CACNA1B: variants seen among roughly 807,000 people sequenced by gnomAD.
CACNA1B encodes the protein calcium voltage-gated channel subunit alpha1 B.
CACNA1B carries 70 observed loss-of-function variants against 247.2 expected under a neutral mutation model. The ratio of observed to expected loss-of-function variants is 0.28; its 90% confidence interval spans 0.23 to 0.35. CACNA1B has a LOEUF of 0.35. CACNA1B is among the 10% of genes least tolerant of loss of function. CACNA1B has a pLI of 1.00. For synonymous variants in CACNA1B, 1,231 were observed against 1,294.4 expected (o/e 0.95, Z 1.05); for missense variants, 2,367 against 3,197.4 (o/e 0.74, Z 6.26).
rs780705659 is a variant in CACNA1B at position 138,100,269 on chromosome 9, C to T, written c.5223-2442C>T. ...GAGGGGCTGCAAGGAAGGCTGAGAC[C>T]GTTTGAGAAAGGCATTGAAATTGGT... On this transcript the variant is annotated intron_variant, in intron 37 of 46. Coordinates refer to ENST00000371372, the MANE Select transcript of CACNA1B (RefSeq NM_000718.4). This position sits in a 1 kb window ranked among gnomAD's most constrained non-coding sequence, Gnocchi z 4.6. Among the ~76,000 whole-genome samples the T allele has an allele frequency of 6.6e-6, 1 of 152,146 alleles. No homozygotes were observed. Among genetic ancestry groups the T allele is most frequent in the Admixed American group, 6.5e-5 (1 of 15,282 alleles).
intron 21 of CACNA1B, among the ~76,000 whole-genome samples, chr9:138,044,887 G>A (rs1589091242): frequency 6.6e-6 from 1 of 152,220 alleles, no homozygotes; most frequent in Admixed American, 6.5e-5. Context: ...ACCCTGCTAC[G>A]CTGCGGTTAG....
rs577930859 is a variant in CACNA1B, at chr9:138,012,256, C to T, written c.2161-873C>T. 4.6e-5 allele frequency among the ~76,000 whole-genome samples: 7 copies of T among 152,264 alleles called. No individual in the cohort carries two copies. Among genetic ancestry groups the T allele is most frequent in the Admixed American group, 1.3e-4 (2 of 15,298 alleles). On this transcript the variant is annotated intron_variant, in intron 17 of 46. Transcript: ENST00000371372. This position sits in a 1 kb window ranked among gnomAD's most constrained non-coding sequence, Gnocchi z 4.2. ...CAGGCAGAAAAGCTCAAAGATGGTG[C>T]GTGGCCCCACTGGACACCCTCCTGG...
intron 37 of CACNA1B, among the ~76,000 whole-genome samples, chr9:138,099,308 C>T (rs747704640): frequency 9.3e-5 from 14 of 151,086 alleles, no homozygotes; most frequent in South Asian, 2.1e-4. Context: ...TGCATGTTGA[C>T]GTTTGTGTGT....
intron 20 of CACNA1B, among the ~76,000 whole-genome samples, chr9:138,039,118 C>G (rs1265064714): frequency 3.3e-5 from 5 of 151,952 alleles, no homozygotes; most frequent in Admixed American, 6.6e-5. Flanking sequence ...ATCGCTTGAA[C>G]CCAGGAGGCA....
intron 35 of CACNA1B, among the ~76,000 whole-genome samples, chr9:138,077,344 G>T (rs931663221): frequency 2.0e-5 from 3 of 152,228 alleles, no homozygotes; most frequent in Non-Finnish European, 2.9e-5. Flanking sequence ...TGGCTGCTCA[G>T]GGCAGGGTGC....
At chr9:137,962,756 T>C (rs942639795) in intron 10 of CACNA1B, among the ~76,000 whole-genome samples, 2 of 152,128 alleles carry the variant, frequency 1.3e-5, no homozygotes, top group East Asian at 1.9e-4. Flanking sequence ...GAGACTGTTA[T>C]TATTTCAGTT....
intron 3 of CACNA1B, among the ~76,000 whole-genome samples, chr9:137,902,425 GGC>G (rs1386274969): frequency 7.9e-5 from 12 of 152,082 alleles, no homozygotes; most frequent in Admixed American, 2.0e-4. Flanking sequence ...AAGGCTTCAG[GGC>G]GTAGAAAGTA....
chr9:137,989,548 G>A (rs969424398), intron 15 of CACNA1B, among the ~76,000 whole-genome samples: 1 of 152,138 alleles, frequency 6.6e-6, no homozygotes, highest in African/African-American at 2.4e-5. Context: ...AATCTTATAC[G>A]CTGCCCTAGA....
chr9:138,009,257 AC>A (rs1958693941), intron 16 of CACNA1B, among the ~76,000 whole-genome samples: 1 of 152,190 alleles, frequency 6.6e-6, no homozygotes, highest in African/African-American at 2.4e-5. Flanking sequence ...GTGGGGCAGC[AC>A]CTCACACTGG....
At position 137,899,974 on chromosome 9, in the gene CACNA1B, G is replaced by C. The variant is rs1222517930; in HGVS notation, c.531-13206G>C. On this transcript the variant is annotated intron_variant, in intron 3 of 46. Coordinates refer to ENST00000371372, the MANE Select transcript of CACNA1B (RefSeq NM_000718.4). The surrounding 1 kb of genome is among the most constrained non-coding windows in gnomAD (Gnocchi z 5.0). ...TACAGGGGCTGGCCAGCGTGGGCCA[G>C]ATGCATGGGGACAAGGGAGCATCCA... is the stretch of plus-strand genomic sequence containing the variant. Among the ~76,000 whole-genome samples the C allele has an allele frequency of 1.3e-5, 2 of 152,190 alleles. No individual in the cohort carries two copies. Among genetic ancestry groups the C allele is most frequent in the East Asian group, 3.9e-4 (2 of 5,192 alleles).
chr9:138,000,151 T>G (rs942964720), intron 15 of CACNA1B, among the ~76,000 whole-genome samples: 8 of 149,360 alleles, frequency 5.4e-5, no homozygotes, highest in Non-Finnish European at 1.0e-4. Context: ...CAGGCTGGAG[T>G]GCAGTGGTGC....
intron 15 of CACNA1B, among the ~76,000 whole-genome samples, chr9:138,004,676 T>C (rs1434844649): frequency 6.6e-6 from 1 of 152,214 alleles, no homozygotes. Context: ...GTATTCTGTT[T>C]ATACATACGT....
intron 32 of CACNA1B, among the ~76,000 whole-genome samples, chr9:138,070,181 C>T (rs1387110820): frequency 1.3e-5 from 2 of 152,218 alleles, no homozygotes; most frequent in East Asian, 3.8e-4. Context: ...GCTGTGTCCC[C>T]ATCAAGCCAA....
intron 15 of CACNA1B, among the ~76,000 whole-genome samples, chr9:137,998,752 C>T (rs1311796734): frequency 2.0e-5 from 3 of 152,134 alleles, no homozygotes; most frequent in African/African-American, 4.8e-5. Context: ...ACAACCTGGC[C>T]TCAGAACATT....
In CACNA1B at chr9:138,057,289, C is replaced by CT. The variant is rs1564263757; in HGVS notation, c.3969-443_3969-442insT. Reference sequence around the variant, plus strand: ...CATATTCTAAATACAACTCCCTTATCAGACAGAGGATTAGGAAATAAGTAT... The same window carrying CT: ...CATATTCTAAATACAACTCCCTTATCTAGACAGAGGATTAGGAAATAAGTAT... On this transcript the variant is annotated intron_variant, in intron 26 of 46. Coordinates refer to ENST00000371372, the MANE Select transcript of CACNA1B (RefSeq NM_000718.4). This position sits in a 1 kb window ranked among gnomAD's most constrained non-coding sequence, Gnocchi z 4.0. Among the ~76,000 whole-genome samples the CT allele has an allele frequency of 1.3e-5, 2 of 152,176 alleles. No individual in the cohort carries two copies. The highest frequency in any genetic ancestry group is 2.9e-5 in the Non-Finnish European group (2 of 68,036).
Position 137,888,950 on chromosome 9 carries a change from G to A in CACNA1B, c.530+6067G>A, listed in dbSNP as rs1273740568. Among the ~76,000 whole-genome samples, 3 of 144,466 alleles carry A rather than the reference G, an allele frequency of 2.1e-5. No individual in the cohort carries two copies. Among genetic ancestry groups the A allele is most frequent in the Non-Finnish European group, 3.2e-5 (2 of 63,138 alleles). 94.8% of individuals were successfully genotyped at this position (144,466 alleles called of 152,430 possible). A position where few individuals can be genotyped will look rare whatever the true frequency, so the allele number is the denominator to read the frequency against. ...GTGTGCGGCTCAGGGATGACCTGAC[G>A]CTGTGTCTGAAAACAGGTGACAGCC... is the stretch of plus-strand genomic sequence containing the variant. On this transcript the variant is annotated intron_variant, in intron 3 of 46. Coordinates refer to ENST00000371372, the MANE Select transcript of CACNA1B (RefSeq NM_000718.4). This position sits in a 1 kb window ranked among gnomAD's most constrained non-coding sequence, Gnocchi z 4.7.
Position 137,957,501 on chromosome 9 carries a change from C to T in CACNA1B, c.1244-97C>T, listed in dbSNP as rs887107338. 3 of 827,242 alleles carry T rather than the reference C, an allele frequency of 3.6e-6. No homozygotes were observed. The Admixed American group carries it at 8.6e-5, about 24-fold the overall frequency. 51.2% of individuals were successfully genotyped at this position (827,242 alleles called of 1,614,324 possible). ...TTCAGGACAGGAGCTCAGGAGAGGT[C>T]ACTGGTCCCAGGGGGAGGGTGATCC... On this transcript the variant is annotated intron_variant, in intron 9 of 46. Coordinates refer to ENST00000371372, the MANE Select transcript of CACNA1B (RefSeq NM_000718.4). The surrounding 1 kb of genome is among the most constrained non-coding windows in gnomAD (Gnocchi z 4.7).
At chr9:138,082,797 C>CA (rs1361825213) in intron 36 of CACNA1B, among the ~76,000 whole-genome samples, 9 of 151,022 alleles carry the variant, frequency 6.0e-5, no homozygotes. Context: ...GAACAATGAA[C>CA]AAAAAATTAC....
Position 137,882,976 on chromosome 9 carries a change from TC to T in CACNA1B, c.530+97del. ...CGCCGTGGAGCTGGGGCAGCTGCAG[TC>T]CCCTCACTGGGGTCCCCTCACAGCC... On this transcript the variant is annotated intron_variant, in intron 3 of 46. Transcript: ENST00000371372. This position sits in a 1 kb window ranked among gnomAD's most constrained non-coding sequence, Gnocchi z 4.0. 1 of 1,386,648 alleles carries T rather than the reference TC, an allele frequency of 7.2e-7. No individual in the cohort carries two copies. The allele number at this position is 1,386,648 out of a possible 1,614,324, so 85.9% of individuals were successfully genotyped here.
Sources: gnomAD v4.1 joint callset for allele counts (sites outside exome capture counted in the v4.1 genomes callset) on GRCh38, gnomAD v4.1.1 for gene constraint, Gnocchi (gnomAD v3.1) non-coding constraint, MANE v1.5 for transcripts, NCBI Gene and HGNC (gene_info 2026-07-23, HGNC 2026-07-21) for gene names.